The following POLDIP3 variants were observed in gnomAD, a reference collection of about 807,000 sequenced individuals.
POLDIP3 encodes the protein polymerase delta-interacting protein 3.
A neutral mutation model predicts 45.1 loss-of-function variants in POLDIP3; 14 were observed. That is an observed-to-expected ratio of 0.31 (90% confidence interval 0.20 to 0.49). The LOEUF (loss-of-function observed/expected upper bound fraction) is 0.49. POLDIP3 is among the 20% of genes least tolerant of loss of function. The probability of loss-of-function intolerance (pLI) is 0.99; values close to 1 mark genes in which losing one functional copy is unlikely to be tolerated. For synonymous variants in POLDIP3, 223 were observed against 205.2 expected, an observed-to-expected ratio of 1.09 and a Z score of -0.74; for missense variants, 511 against 538.8, an observed-to-expected ratio of 0.95 and a Z score of 0.51.
intron 7 of POLDIP3, 44 bp from the exon 8 acceptor site, chr22:42,587,616 G>A (rs374907862): frequency 1.9e-5 from 30 of 1,554,938 alleles, no homozygotes; most frequent in Non-Finnish European, 2.5e-5. Context: ...TGAGACCTCG[G>A]CTCCTCACAC....
Position 42,602,932 on chromosome 22 carries a change from C to T in POLDIP3, c.288G>A (p.Glu96=), listed in dbSNP as rs967277452. The part of the protein sequence containing the change: ...RIKGKVQDAR[E]MLNSRKQQTT... ...TCTGCTGCTTGCGAGAGTTCAACAT[C>T]TCTCTGGCATCCTGCACTTTCCCTT... Residue 96 remains glutamate, a synonymous_variant, in exon 2 of 9, where the codon GAG becomes GAA. Coordinates refer to ENST00000252115, the MANE Select transcript of POLDIP3 (RefSeq NM_032311.5). 6.2e-7 allele frequency: 1 copy of T among 1,614,152 alleles called. No individual in the cohort carries two copies.
chr22:42,611,692 TG>T (rs1369093153), intron 1 of POLDIP3, among the ~76,000 whole-genome samples: 1 of 152,086 alleles, frequency 6.6e-6, no homozygotes, highest in African/African-American at 2.4e-5. Flanking sequence ...CTGACCAACA[TG>T]GTGAAACCCC....
chr22:42,606,433 C>T (rs953374603), intron 1 of POLDIP3, among the ~76,000 whole-genome samples: 6 of 152,030 alleles, frequency 3.9e-5, no homozygotes, highest in Non-Finnish European at 7.4e-5. Flanking sequence ...GAGTTCAGGA[C>T]CAGCCTGGGC....
intron 1 of POLDIP3, among the ~76,000 whole-genome samples, chr22:42,613,507 C>T (rs559551569): frequency 2.0e-5 from 3 of 152,278 alleles, no homozygotes; most frequent in East Asian, 3.9e-4. Flanking sequence ...CGCCTGTAAT[C>T]CCAGCACTTT....
chr22:42,592,468 C>G (rs1358342307), intron 6 of POLDIP3, among the ~76,000 whole-genome samples: 3 of 152,344 alleles, frequency 2.0e-5, no homozygotes, highest in Non-Finnish European at 4.4e-5. Context: ...GAATCTGTTA[C>G]AAATACAAAT....
At chr22:42,607,877 GC>G (rs1926853512) in intron 1 of POLDIP3, among the ~76,000 whole-genome samples, 1 of 149,438 alleles carries the variant, frequency 6.7e-6, no homozygotes, top group South Asian at 2.1e-4. Flanking sequence ...CCCAGCAGCC[GC>G]CCCGTCTGGG....
intron 6 of POLDIP3, 30 bp from the exon 7 acceptor site, chr22:42,592,114 G>A (rs767860512): frequency 1.9e-6 from 3 of 1,613,048 alleles, no homozygotes; most frequent in Non-Finnish European, 2.5e-6. Context: ...TTGGGATTGG[G>A]GAAGGATTTC....
Position 42,614,873 on chromosome 22 carries a change from A to C in POLDIP3, c.-16T>G. 6.2e-7 allele frequency: 1 copy of C among 1,613,810 alleles called. No individual in the cohort carries two copies. The highest frequency in any genetic ancestry group is 8.5e-7 in the Non-Finnish European group (1 of 1,179,912). ...TGTCCGCCATCTTGCTCCGCCGAGC[A>C]AGCCGAAAGCAGTCGAGACCCCGCG... On this transcript the variant is annotated 5_prime_UTR_variant, in exon 1 of 9. Coordinates refer to ENST00000252115, the MANE Select transcript of POLDIP3 (RefSeq NM_032311.5).
intron 1 of POLDIP3, among the ~76,000 whole-genome samples, chr22:42,610,675 G>C (rs187071766): frequency 5.9e-5 from 9 of 152,328 alleles, no homozygotes; most frequent in Admixed American, 2.6e-4. Flanking sequence ...GGCAGAGGCA[G>C]GAGGACTGCT....
chr22:42,589,222 G>A (rs1306136875), intron 7 of POLDIP3, among the ~76,000 whole-genome samples: 2 of 144,470 alleles, frequency 1.4e-5, no homozygotes, highest in Admixed American at 7.0e-5. Flanking sequence ...CAGCCTGGGC[G>A]ACAGAGCGAG....
At chr22:42,609,015 C>G (rs1185741870) in intron 1 of POLDIP3, among the ~76,000 whole-genome samples, 1 of 152,216 alleles carries the variant, frequency 6.6e-6, no homozygotes, top group African/African-American at 2.4e-5. Flanking sequence ...TGGTTTCAGG[C>G]AGGCATTAGT....
At chr22:42,599,633 T>C in intron 4 of POLDIP3, 65 bp downstream of exon 4, 6 of 1,234,060 alleles carry the variant, frequency 4.9e-6, no homozygotes, top group Admixed American at 1.8e-5. Context: ...ACAGGTTCTA[T>C]TCAACACGAC....
intron 1 of POLDIP3, among the ~76,000 whole-genome samples, chr22:42,607,571 C>T (rs1420923419): frequency 6.6e-6 from 1 of 151,692 alleles, no homozygotes; most frequent in Non-Finnish European, 1.5e-5. Context: ...GGCCGCCCAT[C>T]GTCTGGGATG....
chr22:42,585,718 G>A lies in POLDIP3; in HGVS notation c.*73C>T, dbSNP rs1925263024. ...GGGGTCTCCAGTCCGATGGCCCATT[G>A]GTCATAAGCTTTGCCTTGGGGAAAC... On this transcript the variant is annotated 3_prime_UTR_variant, in exon 9 of 9. Transcript: ENST00000252115. 6.6e-7 allele frequency: 1 copy of A among 1,508,952 alleles called. No homozygotes were observed. Among genetic ancestry groups the A allele is most frequent in the Non-Finnish European group, 9.0e-7 (1 of 1,114,152 alleles). The allele number at this position is 1,508,952 out of a possible 1,614,324, so 93.5% of individuals were successfully genotyped here. A position where few individuals can be genotyped will look rare whatever the true frequency, so the allele number is the denominator to read the frequency against.
At chr22:42,596,133 T>C in intron 5 of POLDIP3, 53 bp downstream of exon 5, 3 of 1,570,736 alleles carry the variant, frequency 1.9e-6, no homozygotes, top group Non-Finnish European at 2.6e-6. Flanking sequence ...GAGGTACATA[T>C]AAGCATACAG....
intron 1 of POLDIP3, among the ~76,000 whole-genome samples, chr22:42,613,813 G>C (rs1355305578): frequency 2.6e-5 from 4 of 152,286 alleles, no homozygotes; most frequent in Non-Finnish European, 5.9e-5. Context: ...AAATGTCTGA[G>C]AAAACAATAT....
chr22:42,599,757 C>G lies in POLDIP3; in HGVS notation c.574G>C (p.Ala192Pro), dbSNP rs1926233093. 1.2e-6 allele frequency: 2 copies of G among 1,612,096 alleles called. No homozygotes were observed. Among genetic ancestry groups the G allele is most frequent in the African/African-American group, 2.7e-5 (2 of 74,960 alleles). ...YDLDEDDDGI[A>P]SVPTKQMKFA... ...TTCATCTGTTTAGTAGGAACGGAAG[C>G]TATACCATCATCATCTTCATCCAGG... The change falls in exon 4 of 9, where the codon GCT (alanine) becomes CCT (proline). Residue 192 changes from alanine to proline, a missense_variant. Coordinates refer to ENST00000252115, the MANE Select transcript of POLDIP3 (RefSeq NM_032311.5).
At chr22:42,611,591 A>C (rs137110) in intron 1 of POLDIP3, among the ~76,000 whole-genome samples, 26,005 of 152,242 alleles carry the variant, frequency 0.17, 2,912 homozygotes, top group African/African-American at 0.31. Context: ...TCTTCTAGGC[A>C]GTATGTAAAA....
chr22:42,591,155 CAT>C (rs780302012), intron 7 of POLDIP3, among the ~76,000 whole-genome samples: 3 of 151,438 alleles, frequency 2.0e-5, no homozygotes, highest in Admixed American at 6.6e-5. Flanking sequence ...CACATCCAAA[CAT>C]ATGACAAAAA....
Sources: gnomAD v4.1 joint callset for allele counts (sites outside exome capture counted in the v4.1 genomes callset) on GRCh38, gnomAD v4.1.1 for gene constraint, MANE v1.5 for transcripts, NCBI Gene and HGNC (gene_info 2026-07-23, HGNC 2026-07-21) for gene names.